Variants in KAZN observed in about 807,000 individuals in gnomAD.
The protein encoded by KAZN is kazrin, periplakin interacting protein.
In KAZN, 40 loss-of-function variants were observed where a neutral mutation model predicts 87.4. The observed-to-expected ratio is 0.46, with a 90% confidence interval of 0.36 to 0.60. The LOEUF (loss-of-function observed/expected upper bound fraction) is 0.60, where lower values mean the gene tolerates loss of function less well. KAZN is among the 20% of genes least tolerant of loss of function. The pLI, the probability that KAZN is intolerant of heterozygous loss-of-function variation, is 0.00. For synonymous variants in KAZN, 466 were observed against 458.3 expected (o/e 1.02, Z -0.22); for missense variants, 898 against 1,073.9 (o/e 0.84, Z 2.29).
intron 1 of KAZN, among the ~76,000 whole-genome samples, chr1:14,866,188 C>T (rs1378852143): frequency 6.6e-6 from 1 of 152,128 alleles, no homozygotes; most frequent in East Asian, 1.9e-4. Flanking sequence ...CCCCTCCCCA[C>T]TCAGCTCTTC....
At chr1:14,639,982 T>C in intron 1 of KAZN, among the ~76,000 whole-genome samples, 1 of 152,094 alleles carries the variant, frequency 6.6e-6, no homozygotes, top group Non-Finnish European at 1.5e-5. Context: ...TGCGGCATGA[T>C]GGTGGCTCAG....
intron 1 of KAZN, among the ~76,000 whole-genome samples, chr1:14,906,878 G>A (rs979942242): frequency 6.6e-6 from 1 of 151,662 alleles, no homozygotes; most frequent in Non-Finnish European, 1.5e-5. Flanking sequence ...TCCCCGCCTT[G>A]TTCCCTAGGG....
chr1:13,976,671 G>A (rs532351764), intron 1 of KAZN, among the ~76,000 whole-genome samples: 78 of 152,160 alleles, frequency 5.1e-4, no homozygotes, highest in Non-Finnish European at 9.6e-4. Context: ...GAATATAAAT[G>A]CATTTGTTAT....
chr1:14,116,892 T>C (rs1644634728), intron 1 of KAZN, among the ~76,000 whole-genome samples: 1 of 152,180 alleles, frequency 6.6e-6, no homozygotes, highest in Admixed American at 6.5e-5. Context: ...AAGGAGATCA[T>C]TTTGGAATTA....
At chr1:14,681,653 A>G (rs12403446) in intron 1 of KAZN, among the ~76,000 whole-genome samples, 24 of 8,586 alleles carry the variant, frequency 2.8e-3, no homozygotes, top group African/African-American at 5.2e-3. Flanking sequence ...ATATATATAT[A>G]TATATTTTTT....
intron 1 of KAZN, among the ~76,000 whole-genome samples, chr1:14,139,315 T>C (rs1239754611): frequency 6.6e-6 from 1 of 152,236 alleles, no homozygotes; most frequent in Non-Finnish European, 1.5e-5. Context: ...TACTGTGTCA[T>C]CATTCCGGCA....
intron 2 of KAZN, among the ~76,000 whole-genome samples, chr1:14,293,986 T>A (rs1653926371): frequency 6.6e-6 from 1 of 152,174 alleles, no homozygotes; most frequent in South Asian, 2.1e-4. Flanking sequence ...CTCTGCCTGA[T>A]AGGGCTCTCA....
At chr1:14,031,786 G>A (rs1012046773) in intron 1 of KAZN, among the ~76,000 whole-genome samples, 13 of 152,162 alleles carry the variant, frequency 8.5e-5, no homozygotes, top group African/African-American at 3.1e-4. Flanking sequence ...GACAGCATTC[G>A]ATTCAGATGA....
intron 1 of KAZN, among the ~76,000 whole-genome samples, chr1:14,800,530 A>G (rs1645976993): frequency 6.6e-6 from 1 of 152,178 alleles, no homozygotes; most frequent in Non-Finnish European, 1.5e-5. Context: ...GTGAGACCCC[A>G]TCTCTACTAC....
chr1:14,102,422 T>C (rs1644277352), intron 1 of KAZN, among the ~76,000 whole-genome samples: 1 of 151,900 alleles, frequency 6.6e-6, no homozygotes, highest in African/African-American at 2.4e-5. Flanking sequence ...TGTCCACCCA[T>C]GTGACCCCTC....
chr1:14,213,215 A>T (rs1250590031), intron 2 of KAZN, among the ~76,000 whole-genome samples: 5 of 152,172 alleles, frequency 3.3e-5, no homozygotes, highest in African/African-American at 9.7e-5. Flanking sequence ...TTTTGAGAAC[A>T]TCAGGTACAC....
intron 1 of KAZN, among the ~76,000 whole-genome samples, chr1:14,712,761 A>T (rs1642553905): frequency 6.6e-6 from 1 of 152,200 alleles, no homozygotes; most frequent in Admixed American, 6.5e-5. Context: ...AACCGCTCAG[A>T]CCTGGGCAGG....
intron 1 of KAZN, among the ~76,000 whole-genome samples, chr1:14,746,442 T>C (rs970557243): frequency 6.6e-6 from 1 of 152,098 alleles, no homozygotes; most frequent in Admixed American, 6.5e-5. Context: ...GAGAGGTCAC[T>C]GGCAGACAAT....
exon 1 of KAZN, chr1:13,893,649 A>T: frequency 5.2e-6 from 8 of 1,550,176 alleles, no homozygotes; most frequent in Non-Finnish European, 7.0e-6. Context: ...ACCAACACCA[A>T]AGACCCCAAA....
intron 2 of KAZN, among the ~76,000 whole-genome samples, chr1:14,467,975 C>G (rs1410605984): frequency 6.6e-6 from 1 of 152,152 alleles, no homozygotes; most frequent in African/African-American, 2.4e-5. Flanking sequence ...ATCACGTGCT[C>G]TTCTCTGGAG....
At chr1:14,809,115 T>C (rs147096433) in intron 1 of KAZN, among the ~76,000 whole-genome samples, 1 of 152,222 alleles carries the variant, frequency 6.6e-6, no homozygotes, top group Non-Finnish European at 1.5e-5. Context: ...CCCAGGTCTA[T>C]TCCTAGAAAA....
chr1:14,764,130 T>G (rs762789572), intron 1 of KAZN, among the ~76,000 whole-genome samples: 32 of 152,168 alleles, frequency 2.1e-4, no homozygotes, highest in Admixed American at 5.2e-4. Flanking sequence ...GGTTCTCATT[T>G]ACAATTTGGT....
chr1:13,932,353 C>T (rs12129780), intron 1 of KAZN, among the ~76,000 whole-genome samples: 11,377 of 149,054 alleles, frequency 0.076, 575 homozygotes, highest in East Asian at 0.19. Context: ...CTCCGCCTCC[C>T]GGGTTCATGC....
At chr1:14,610,942 C>T (rs1165109056) in intron 1 of KAZN, among the ~76,000 whole-genome samples, 1 of 152,130 alleles carries the variant, frequency 6.6e-6, no homozygotes, top group Non-Finnish European at 1.5e-5. Context: ...CCAGCTAACC[C>T]GTTGGTTGTT....
Sources: gnomAD v4.1 joint callset for allele counts (sites outside exome capture counted in the v4.1 genomes callset) on GRCh38, gnomAD v4.1.1 for gene constraint, MANE v1.5 for transcripts, NCBI Gene and HGNC (gene_info 2026-07-23, HGNC 2026-07-21) for gene names.